Variants in KIAA1755 observed in about 807,000 individuals in gnomAD.
The protein encoded by KIAA1755 is KIAA1755, also known as uncharacterized protein KIAA1755.
A neutral mutation model predicts 91.7 loss-of-function variants in KIAA1755; 68 were observed. The observed-to-expected ratio is 0.74, with a 90% CI of 0.61 to 0.91. The LOEUF is 0.91. KIAA1755 is among the 40% of genes least tolerant of loss of function. The probability of loss-of-function intolerance (pLI) is 0.00; values close to 1 mark genes in which losing one functional copy is unlikely to be tolerated. For missense variants in KIAA1755, 1,535 were observed against 1,494.4 expected, an observed-to-expected ratio of 1.03 and a Z score of -0.45; for synonymous variants, 610 against 604.6, an observed-to-expected ratio of 1.01 and a Z score of -0.13.
In KIAA1755 at chr20:38,219,675, C is replaced by T; in HGVS notation, c.2511G>A (p.Leu837=). 1.2e-6 allele frequency: 2 copies of T among 1,614,188 alleles called. No individual in the cohort carries two copies. Among genetic ancestry groups the T allele is most frequent in the Non-Finnish European group, 1.7e-6 (2 of 1,180,050 alleles). Residue 837 remains leucine (L), a synonymous_variant, in exon 11 of 14, where the codon CTG becomes CTA. Coordinates refer to ENST00000279024, the MANE Select transcript of KIAA1755 (RefSeq NM_001029864.2). The part of the protein sequence containing the change: ...VTASNSLLGK[L]ELRVRLGRLE... ...GGCGGCCCAGGCGGACACGGAGCTC[C>T]AGCTTCCCCAGGAGGCTGTTGGAAG...
rs561894323 is a variant in KIAA1755, at chr20:38,213,722, A to C, written c.2923T>G (p.Cys975Gly). ...CKRMTWFHMDCQDLMAQLRLD... is the reference protein window; with the variant it reads ...CKRMTWFHMDGQDLMAQLRLD... ...CTGAGCTGGGCCATCAGGTCCTGAC[A>C]GTCCATGTGGAACCAGGTCATCTGG... Residue 975 changes from cysteine (C) to glycine (G), a missense_variant, in exon 14 of 14, where the codon TGT becomes GGT. Transcript: ENST00000279024. The C allele has an allele frequency of 2.0e-6, 3 of 1,488,736 alleles. No individual in the cohort carries two copies. In the African/African-American group the frequency reaches 4.2e-5, roughly 21 times the overall value. 92.2% of individuals were successfully genotyped at this position (1,488,736 alleles called of 1,614,324 possible).
chr20:38,259,829 C>T (rs2076412536), intron 1 of KIAA1755, among the ~76,000 whole-genome samples: 1 of 150,942 alleles, frequency 6.6e-6, no homozygotes, highest in Non-Finnish European at 1.5e-5. Flanking sequence ...ACCACACACA[C>T]ACACACACAC....
At chr20:38,219,835 G>T in intron 10 of KIAA1755, 67 bp from the exon 11 acceptor site, 1 of 1,576,220 alleles carries the variant, frequency 6.3e-7, no homozygotes, top group Non-Finnish European at 8.7e-7. Flanking sequence ...CTTCTGTCCC[G>T]CATAGGCCTG....
At chr20:38,228,611 C>T (rs965229636) in intron 5 of KIAA1755, among the ~76,000 whole-genome samples, 5 of 152,172 alleles carry the variant, frequency 3.3e-5, no homozygotes, top group Non-Finnish European at 4.4e-5. Flanking sequence ...CCAAGTTCCC[C>T]CAGAGCCTGG....
Position 38,225,758 on chromosome 20 carries a change from C to T in KIAA1755, c.2076G>A (p.Lys692=). The T allele has an allele frequency of 6.3e-7, 1 of 1,590,760 alleles. No homozygotes were observed. Among genetic ancestry groups the T allele is most frequent in the Non-Finnish European group, 8.5e-7 (1 of 1,170,014 alleles). The change falls in exon 8 of 14, where the codon AAG becomes AAA. Residue 692 remains lysine (K), a synonymous_variant. Transcript: ENST00000279024. ...TGGGGTCCACATGGTGGCTGAGGGC[C>T]TTCAATGAGGTCAGCACCTCCACCT... ...DVQVEVLTSL[K]ALSHHVDPSQ...
intron 2 of KIAA1755, among the ~76,000 whole-genome samples, chr20:38,244,267 T>G (rs749285552): frequency 7.2e-5 from 11 of 152,226 alleles, no homozygotes; most frequent in African/African-American, 1.2e-4. Context: ...TAGTGTCATG[T>G]GGAAGTGGCT....
rs769080475 is a variant in KIAA1755, at chr20:38,225,745, G to C, written c.2089C>G (p.His697Asp). ...VLTSLKALSH[H>D]VDPSQLPAVL... Reference sequence around the variant, plus strand: ...GCGGGCAGCTGGCTGGGGTCCACATGGTGGCTGAGGGCCTTCAATGAGGTC... The same window carrying C: ...GCGGGCAGCTGGCTGGGGTCCACATCGTGGCTGAGGGCCTTCAATGAGGTC... Residue 697 changes from histidine to aspartate, a missense_variant, in exon 8 of 14, where the codon CAT becomes GAT. Transcript: ENST00000279024. The C allele has an allele frequency of 3.1e-6, 5 of 1,598,948 alleles. No individual in the cohort carries two copies. The highest frequency in any genetic ancestry group is 1.8e-4 in the Middle Eastern group (1 of 5,624).
intron 1 of KIAA1755, among the ~76,000 whole-genome samples, chr20:38,246,480 G>A (rs1391779301): frequency 6.6e-6 from 1 of 152,128 alleles, no homozygotes; most frequent in Non-Finnish European, 1.5e-5. Context: ...TTCAGGTCAG[G>A]GTCAAAGGGA....
chr20:38,231,365 G>T (rs201866950), intron 4 of KIAA1755, 40 bp from the exon 5 acceptor site: 6 of 1,568,278 alleles, frequency 3.8e-6, no homozygotes, highest in African/African-American at 1.4e-5. Context: ...GAGAACTTGT[G>T]GGGGGCCCTC....
At chr20:38,234,026 G>A (rs1286949829) in intron 4 of KIAA1755, among the ~76,000 whole-genome samples, 1 of 152,186 alleles carries the variant, frequency 6.6e-6, no homozygotes, top group Non-Finnish European at 1.5e-5. Flanking sequence ...ACAGGGAGAA[G>A]ATGGGCATTT....
At position 38,222,537 on chromosome 20, in the gene KIAA1755, C is replaced by A. The variant is rs747693591; in HGVS notation, c.2329G>T (p.Gly777Cys). The A allele has an allele frequency of 1.9e-6, 3 of 1,613,514 alleles. No individual in the cohort carries two copies. Among genetic ancestry groups the A allele is most frequent in the African/African-American group, 1.3e-5 (1 of 74,936 alleles). The change falls in exon 10 of 14, where the codon GGC (glycine) becomes TGC (cysteine). Residue 777 changes from glycine to cysteine, a missense_variant. Transcript: ENST00000279024. ...ELMEAVLRDP[G>C]LLGLQREGGA... ...CCTTCCCGCTGGAGGCCCAGTAGGC[C>A]GGGGTCCCTCAGCACAGCCTCCATC... is the stretch of plus-strand genomic sequence containing the variant.
At position 38,217,483 on chromosome 20, in the gene KIAA1755, G is replaced by C; in HGVS notation, c.2680-9C>G. 6.3e-7 allele frequency: 1 copy of C among 1,584,364 alleles called. No homozygotes were observed. The highest frequency in any genetic ancestry group is 8.6e-7 in the Non-Finnish European group (1 of 1,163,604). On this transcript the variant is annotated splice_polypyrimidine_tract_variant and intron_variant, in intron 12 of 13. Transcript: ENST00000279024. The stretch of plus-strand genomic sequence containing the variant: ...CCTCGGCGGTACTGGGCCTGAGAGG[G>C]GAGAGGAGGGGGCGCCCACTCAGCA...
intron 4 of KIAA1755, among the ~76,000 whole-genome samples, chr20:38,232,263 C>T (rs1456333201): frequency 6.6e-6 from 1 of 152,178 alleles, no homozygotes; most frequent in Non-Finnish European, 1.5e-5. Context: ...AGTGCCGCCT[C>T]ACAGGGGTCC....
In KIAA1755 at chr20:38,239,542, A is replaced by G. The variant is rs2076015733; in HGVS notation, c.1733T>C (p.Ile578Thr). The change falls in exon 4 of 14, where the codon ATA becomes ACA. Residue 578 changes from isoleucine to threonine, a missense_variant. Ile to Thr is a moderately conservative substitution (Grantham distance 89). Coordinates refer to ENST00000279024, the MANE Select transcript of KIAA1755 (RefSeq NM_001029864.2). Reference sequence around the variant, plus strand: ...TCCCCTGGAACCTGGCAGGCATGCTATCCTGGAGCGGAAAACCTTGACACC... The same window carrying G: ...TCCCCTGGAACCTGGCAGGCATGCTGTCCTGGAGCGGAAAACCTTGACACC... ...ALGVKVFRSR[I>T]ACLPGGRDRA... 3.7e-6 allele frequency: 6 copies of G among 1,613,698 alleles called. No individual in the cohort carries two copies. The highest frequency in any genetic ancestry group is 1.7e-5 in the Admixed American group (1 of 59,984).
intron 2 of KIAA1755, among the ~76,000 whole-genome samples, chr20:38,243,700 C>A (rs1195290475): frequency 6.6e-6 from 1 of 152,200 alleles, no homozygotes; most frequent in East Asian, 1.9e-4. Flanking sequence ...GTCCCCAAGC[C>A]CCACCAGACT....
intron 4 of KIAA1755, among the ~76,000 whole-genome samples, chr20:38,237,439 G>A (rs1190483237): frequency 6.6e-6 from 1 of 152,056 alleles, no homozygotes; most frequent in Admixed American, 6.5e-5. Flanking sequence ...ACGGAGGTTG[G>A]GATTTATCTG....
chr20:38,245,529 C>T (rs1329209641), intron 2 of KIAA1755, among the ~76,000 whole-genome samples: 1 of 152,230 alleles, frequency 6.6e-6, no homozygotes, highest in African/African-American at 2.4e-5. Flanking sequence ...AAGCAAGAGT[C>T]CTGATGCCTC....
intron 6 of KIAA1755, 121 bp from the exon 7 acceptor site, chr20:38,227,361 G>GTCCCTCCATGACTGGAA (rs1267030642): frequency 1.6e-5 from 10 of 632,512 alleles, no homozygotes; most frequent in African/African-American, 1.8e-5. Flanking sequence ...ACAGAGTGGG[G>GTCCCTCCATGACTGGAA]TCCCTCCATG....
intron 1 of KIAA1755, chr20:38,260,028 C>A: frequency 3.7e-6 from 1 of 270,844 alleles, no homozygotes; most frequent in Non-Finnish European, 6.6e-6. Flanking sequence ...GCAGTTCTCT[C>A]CTTTTCACCC....
Sources: gnomAD v4.1 joint callset for allele counts (sites outside exome capture counted in the v4.1 genomes callset) on GRCh38, gnomAD v4.1.1 for gene constraint, MANE v1.5 for transcripts, NCBI Gene and HGNC (gene_info 2026-07-23, HGNC 2026-07-21) for gene names.